Variants in AP1S2 observed in about 807,000 individuals in gnomAD.
AP1S2 encodes AP-1 complex subunit sigma-2.
In AP1S2, 1 loss-of-function variant was observed where a neutral mutation model predicts 14.3. The observed-to-expected ratio is 0.07, with a 90% CI of 0.02 to 0.33. The LOEUF is 0.33. Among genes scored for constraint, AP1S2 ranks in the 10% least tolerant of loss-of-function variants. The probability of loss-of-function intolerance (pLI) is 0.99; values close to 1 mark genes in which losing one functional copy is unlikely to be tolerated. For synonymous variants in AP1S2, 30 were observed against 40.5 expected, an observed-to-expected ratio of 0.74 and a Z score of 0.99; for missense variants, 30 against 117.7, an observed-to-expected ratio of 0.25 and a Z score of 3.45.
chrX:15,838,450 A>G (rs1188427380), intron 4 of AP1S2, among the ~76,000 whole-genome samples: 1 of 110,698 alleles, frequency 9.0e-6, no homozygotes, highest in East Asian at 2.8e-4. Context: ...CAGTAGGTGA[A>G]AAAAGGACTC....
At chrX:15,834,900 T>A (rs1306488204) in intron 4 of AP1S2, among the ~76,000 whole-genome samples, 4 of 110,644 alleles carry the variant, frequency 3.6e-5, no homozygotes, top group Non-Finnish European at 1.9e-5. Context: ...AAGGACCAGA[T>A]GTAGTGGGAA....
chrX:15,833,556 T>A (rs1933499378), intron 4 of AP1S2: 3 of 782,098 alleles, frequency 3.8e-6, no homozygotes, highest in African/African-American at 4.6e-5. Flanking sequence ...GTATTATTTT[T>A]ACCATTTTAA....
At chrX:15,836,323 G>A (rs1364416060) in intron 4 of AP1S2, among the ~76,000 whole-genome samples, 1 of 111,926 alleles carries the variant, frequency 8.9e-6, no homozygotes, top group Non-Finnish European at 1.9e-5. Flanking sequence ...AAACAAAAAA[G>A]GGTCTAGTTG....
chrX:15,846,804 G>A (rs1357838367), intron 2 of AP1S2, among the ~76,000 whole-genome samples: 1 of 112,001 alleles, frequency 8.9e-6, no homozygotes, highest in Non-Finnish European at 1.9e-5. Flanking sequence ...GTTCTACACT[G>A]TTGAACTGAA....
At chrX:15,843,354 G>A (rs1933899704) in intron 4 of AP1S2, among the ~76,000 whole-genome samples, 1 of 111,380 alleles carries the variant, frequency 9.0e-6, no homozygotes, top group Non-Finnish European at 1.9e-5. Flanking sequence ...TCAGGAGTTC[G>A]AGACCAGCCT....
At chrX:15,840,186 C>T (rs1020112772) in intron 4 of AP1S2, among the ~76,000 whole-genome samples, 1 of 111,819 alleles carries the variant, frequency 8.9e-6, no homozygotes, top group African/African-American at 3.3e-5. Flanking sequence ...CTTTTGGTAC[C>T]TCACTTATTT....
At chrX:15,846,458 T>A (rs1934003366) in intron 2 of AP1S2, among the ~76,000 whole-genome samples, 1 of 111,697 alleles carries the variant, frequency 9.0e-6, no homozygotes, top group African/African-American at 3.3e-5. Flanking sequence ...TATTGGAATA[T>A]GTATAATATA....
intron 5 of AP1S2, 53 bp from the exon 6 acceptor site, chrX:15,827,425 ATG>A: frequency 9.8e-7 from 1 of 1,017,170 alleles, no homozygotes; most frequent in Non-Finnish European, 1.4e-6. Context: ...AGTCTTGAGA[ATG>A]TGAAACATTG....
chrX:15,839,391 C>CT (rs1010054209), intron 4 of AP1S2, among the ~76,000 whole-genome samples: 38 of 111,807 alleles, frequency 3.4e-4, no homozygotes, highest in Non-Finnish European at 6.6e-4. Context: ...GGAAGCATCT[C>CT]TTTTTTTAAA....
At chrX:15,829,732 T>TATC (rs754176077) in intron 4 of AP1S2, among the ~76,000 whole-genome samples, 12 of 111,800 alleles carry the variant, frequency 1.1e-4, no homozygotes, top group African/African-American at 3.6e-4. Context: ...GAAAAACTAT[T>TATC]ATCTATCTAA....
chrX:15,830,299 A>C, intron 4 of AP1S2: 1 of 750,501 alleles, frequency 1.3e-6, no homozygotes, highest in Non-Finnish European at 1.6e-6. Context: ...TGAAAGACCA[A>C]TGTTTCTCAA....
intron 1 of AP1S2, among the ~76,000 whole-genome samples, chrX:15,854,440 C>T (rs1339969369): frequency 4.4e-5 from 5 of 112,849 alleles, no homozygotes; most frequent in Non-Finnish European, 9.4e-5. Context: ...AGGCGATTCC[C>T]GAACCACAGG....
intron 4 of AP1S2, chrX:15,833,540 A>C: frequency 1.2e-6 from 1 of 810,098 alleles, no homozygotes. Context: ...ATGCACAAAA[A>C]TAAATGTATT....
At chrX:15,832,059 A>C in intron 4 of AP1S2, 1 of 748,800 alleles carries the variant, frequency 1.3e-6, no homozygotes, top group Non-Finnish European at 1.6e-6. Flanking sequence ...CCGTTTACTT[A>C]TACCTACAAA....
rs1161066866 is a variant in AP1S2 at position 15,834,439 on chromosome X, AATATATATATATATATATATATAT to A, written c.427-6263_427-6240del. 2.7e-3 allele frequency among the ~76,000 whole-genome samples: 67 copies of A among 25,130 alleles called. 4 individuals carry two copies. The highest frequency in any genetic ancestry group is 8.6e-3 in the African/African-American group (61 of 7,099). The allele number at this position is 25,130 out of a possible 115,157, so 21.8% of individuals were successfully genotyped here. A position where few individuals can be genotyped will look rare whatever the true frequency, so the allele number is the denominator to read the frequency against. On this transcript the variant is annotated intron_variant, in intron 4 of 5. Coordinates refer to ENST00000672987, the MANE Select transcript of AP1S2 (RefSeq NM_001272071.2). ...ATTCCACTCCCATTCTCCCTTCCAAAATATATATATATATATATATATATATATATATATATATATAATTTTTTT... is the reference window on the plus strand; with the variant it reads ...ATTCCACTCCCATTCTCCCTTCCAAAATATATATATATATATAATTTTTTT...
rs1280755855 is a variant in AP1S2 at position 15,826,255 on chromosome X, T to C, written c.*1070A>G. On this transcript the variant is annotated 3_prime_UTR_variant, in exon 6 of 6. Transcript: ENST00000672987. ...AGAAAAGTGACGCTGAACAATTACA[T>C]AGCTTTAAAAAATATAGAGCCATCT... is the stretch of plus-strand genomic sequence containing the variant. 1 of 112,440 alleles carries C rather than the reference T, an allele frequency of 8.9e-6. No individual in the cohort carries two copies. Among genetic ancestry groups the C allele is most frequent in the African/African-American group, 3.2e-5 (1 of 30,955 alleles). 9.3% of individuals were successfully genotyped at this position (112,440 alleles called of 1,213,427 possible).
chrX:15,854,355 C>T (rs1408463703), intron 1 of AP1S2, among the ~76,000 whole-genome samples: 1 of 112,371 alleles, frequency 8.9e-6, no homozygotes, highest in Non-Finnish European at 1.9e-5. Context: ...TGGCATCCGC[C>T]GCCGCGCAGG....
chrX:15,852,682 C>G (rs1476248089), intron 1 of AP1S2, among the ~76,000 whole-genome samples, 158 bp from the exon 2 acceptor site: 1 of 112,146 alleles, frequency 8.9e-6, no homozygotes, highest in Non-Finnish European at 1.9e-5. Flanking sequence ...GCAAGAAATT[C>G]TTTTGGACAG....
chrX:15,828,776 A>AG (rs1262648557), intron 4 of AP1S2, among the ~76,000 whole-genome samples: 1 of 110,178 alleles, frequency 9.1e-6, no homozygotes, highest in Non-Finnish European at 1.9e-5. Context: ...TTTTAAAAAA[A>AG]AAAAATGGCA....
Sources: allele counts gnomAD v4.1 joint callset (sites outside exome capture counted in the v4.1 genomes callset), GRCh38; gene constraint gnomAD v4.1.1; transcripts MANE v1.5; gene names NCBI Gene and HGNC (gene_info 2026-07-23, HGNC 2026-07-21).